The following RC3H1 variants were observed in gnomAD, a reference collection of about 807,000 sequenced individuals.
RC3H1 encodes ring finger and CCCH-type domains 1.
A neutral mutation model predicts 138.2 loss-of-function variants in RC3H1; 50 were observed. The observed-to-expected ratio is 0.36, with a 90% CI of 0.29 to 0.46. The LOEUF is 0.46. Among genes scored for constraint, RC3H1 ranks in the 20% least tolerant of loss-of-function variants. The pLI is 1.00. For synonymous variants in RC3H1, 462 were observed against 489.1 expected (o/e 0.94, Z 0.73); for missense variants, 1,031 against 1,388.1 (o/e 0.74, Z 4.09).
intron 17 of RC3H1, among the ~76,000 whole-genome samples, chr1:173,944,225 G>A (rs559485465): frequency 5.3e-5 from 8 of 150,996 alleles, no homozygotes; most frequent in African/African-American, 1.7e-4. Context: ...AACTACAGAT[G>A]TGCATCTTTC....
intron 1 of RC3H1, among the ~76,000 whole-genome samples, chr1:174,002,827 T>A (rs1661584966): frequency 6.6e-6 from 1 of 152,216 alleles, no homozygotes; most frequent in Non-Finnish European, 1.5e-5. Context: ...TCTCTATTCA[T>A]CCTTGGAATA....
intron 17 of RC3H1, 110 bp from the exon 18 acceptor site, chr1:173,943,725 T>C (rs1571166607): frequency 1.8e-6 from 2 of 1,086,704 alleles, no homozygotes; most frequent in Non-Finnish European, 1.3e-6. Context: ...ACCCAGCCAT[T>C]TGCAACAAAA....
At chr1:173,964,764 A>G in intron 10 of RC3H1, 75 bp downstream of exon 10, 1 of 1,326,914 alleles carries the variant, frequency 7.5e-7, no homozygotes, top group Non-Finnish European at 1.0e-6. Flanking sequence ...TTTAAATCCC[A>G]AACATTAATT....
At chr1:173,987,278 T>A (rs1661066978) in intron 2 of RC3H1, among the ~76,000 whole-genome samples, 1 of 152,258 alleles carries the variant, frequency 6.6e-6, no homozygotes, top group Non-Finnish European at 1.5e-5. Context: ...TTTGGAATTC[T>A]GCACGGGAGA....
intron 1 of RC3H1, among the ~76,000 whole-genome samples, chr1:174,018,572 A>G (rs914076648): frequency 1.3e-5 from 2 of 152,230 alleles, no homozygotes; most frequent in African/African-American, 4.8e-5. Flanking sequence ...CTTTTATCAT[A>G]ACCTCTAAAG....
intron 2 of RC3H1, among the ~76,000 whole-genome samples, chr1:173,986,340 T>G (rs922082454): frequency 5.9e-5 from 9 of 151,838 alleles, no homozygotes; most frequent in African/African-American, 2.2e-4. Context: ...CAGGATCCCA[T>G]CCAGGATACC....
chr1:173,937,646 C>T lies in RC3H1; in HGVS notation c.*1075G>A, dbSNP rs1658662830. The T allele has an allele frequency of 6.6e-6, 1 of 152,114 alleles. No individual in the cohort carries two copies. Among genetic ancestry groups the T allele is most frequent in the African/African-American group, 2.4e-5 (1 of 41,414 alleles). 9.4% of individuals were successfully genotyped at this position (152,114 alleles called of 1,614,324 possible). On this transcript the variant is annotated 3_prime_UTR_variant, in exon 20 of 20. Transcript: ENST00000367696. ...TACTTATACTAATGATTCTGAGCAA[C>T]AAGTGATCAATTCATAAACTATCCT... is the stretch of plus-strand genomic sequence containing the variant.
chr1:173,972,448 A>C, intron 8 of RC3H1, 61 bp downstream of exon 8: 1 of 1,124,642 alleles, frequency 8.9e-7, no homozygotes, highest in East Asian at 2.4e-5. Context: ...ACAGTGGTTT[A>C]CCTATAGTTT....
intron 1 of RC3H1, among the ~76,000 whole-genome samples, chr1:174,001,653 A>C (rs907297635): frequency 2.6e-5 from 4 of 152,114 alleles, no homozygotes; most frequent in African/African-American, 9.7e-5. Flanking sequence ...GCCAGGTCTC[A>C]AACTCCTGGT....
intron 1 of RC3H1, among the ~76,000 whole-genome samples, chr1:174,005,872 T>C (rs1000049911): frequency 6.6e-6 from 1 of 152,186 alleles, no homozygotes; most frequent in Non-Finnish European, 1.5e-5. Flanking sequence ...TTCATGTGTT[T>C]CCAAGTTAGA....
intron 1 of RC3H1, among the ~76,000 whole-genome samples, chr1:174,019,974 C>T (rs188971428): frequency 8.5e-5 from 13 of 152,112 alleles, no homozygotes; most frequent in South Asian, 4.1e-4. Flanking sequence ...TGACATAACA[C>T]GGTGAGATTG....
At chr1:174,007,072 AG>A (rs1661666031) in intron 1 of RC3H1, among the ~76,000 whole-genome samples, 1 of 152,036 alleles carries the variant, frequency 6.6e-6, no homozygotes, top group African/African-American at 2.4e-5. Context: ...CTAACACAAT[AG>A]GTTAGTTTTG....
intron 17 of RC3H1, 64 bp downstream of exon 17, chr1:173,946,412 T>C (rs1463736256): frequency 1.3e-6 from 2 of 1,505,252 alleles, no homozygotes; most frequent in African/African-American, 2.8e-5. Flanking sequence ...GCCTCAAAAG[T>C]TCCTATTTAA....
At chr1:173,989,723 T>G (rs958815713) in intron 2 of RC3H1, among the ~76,000 whole-genome samples, 3 of 138,570 alleles carry the variant, frequency 2.2e-5, no homozygotes, top group East Asian at 4.1e-4. Context: ...TTTTTTTTTT[T>G]TTTTTTTTTT....
rs1223000364 is a variant in RC3H1 at position 173,935,009 on chromosome 1, C to T, written c.*3712G>A. 3 of 149,802 alleles carry T rather than the reference C, an allele frequency of 2.0e-5. No individual in the cohort carries two copies. The highest frequency in any genetic ancestry group is 4.4e-5 in the Non-Finnish European group (3 of 68,016). 9.3% of individuals were successfully genotyped at this position (149,802 alleles called of 1,614,324 possible). A position where few individuals can be genotyped will look rare whatever the true frequency, so the allele number is the denominator to read the frequency against. On this transcript the variant is annotated 3_prime_UTR_variant, in exon 20 of 20. Coordinates refer to ENST00000367696, the MANE Select transcript of RC3H1 (RefSeq NM_172071.4). ...TAAGATGGGAGAAAGGAATCACCAA[C>T]ATTAATGCTGTACCAAACAATTTTT... is the stretch of plus-strand genomic sequence containing the variant.
At chr1:173,941,793 G>A (rs887887981) in intron 18 of RC3H1, among the ~76,000 whole-genome samples, 3 of 151,896 alleles carry the variant, frequency 2.0e-5, no homozygotes, top group African/African-American at 4.8e-5. Flanking sequence ...TCAGCTGGGC[G>A]TGGTGGCACA....
intron 2 of RC3H1, among the ~76,000 whole-genome samples, chr1:173,991,301 A>G (rs1273205576): frequency 6.6e-6 from 1 of 152,220 alleles, no homozygotes; most frequent in Non-Finnish European, 1.5e-5. Context: ...CAGACAACTG[A>G]TACTTATATA....
intron 1 of RC3H1, among the ~76,000 whole-genome samples, chr1:174,001,528 C>T (rs190337248): frequency 9.9e-5 from 15 of 152,272 alleles, no homozygotes; most frequent in African/African-American, 3.4e-4. Flanking sequence ...CTCACTGCAA[C>T]CTCCACCTCC....
At chr1:173,961,312 C>G (rs1487674436) in intron 12 of RC3H1, 68 bp from the exon 13 acceptor site, 5 of 1,390,754 alleles carry the variant, frequency 3.6e-6, no homozygotes, top group Non-Finnish European at 5.0e-6. Flanking sequence ...TTAATATACT[C>G]AGCGTATATT....
Sources: gnomAD v4.1 joint callset for allele counts (sites outside exome capture counted in the v4.1 genomes callset) on GRCh38, gnomAD v4.1.1 for gene constraint, MANE v1.5 for transcripts, NCBI Gene and HGNC (gene_info 2026-07-23, HGNC 2026-07-21) for gene names.